Variants in DCAF6 observed in about 807,000 individuals in gnomAD.
The protein encoded by DCAF6 is DDB1- and CUL4-associated factor 6.
Under a neutral mutation model 125.1 loss-of-function variants are expected in DCAF6, and 54 were observed. The observed-to-expected ratio is 0.43, with a 90% confidence interval of 0.35 to 0.54. DCAF6 has a LOEUF of 0.54. Ranked by LOEUF, DCAF6 falls within the 20% of genes least tolerant of loss-of-function variation. The pLI is 0.01. For synonymous variants in DCAF6, 371 were observed against 390.4 expected, an observed-to-expected ratio of 0.95 and a Z score of 0.58; for missense variants, 934 against 1,161.7, an observed-to-expected ratio of 0.80 and a Z score of 2.85.
At chr1:167,883,691 C>A in the DCAF6 span, 1 of 1,502,610 alleles carries the variant, frequency 6.7e-7, no homozygotes, top group Non-Finnish European at 9.3e-7. Context: ...CCCAACACCG[C>A]CCCCACCTCA....
the DCAF6 span, among the ~76,000 whole-genome samples, chr1:167,918,795 G>A: frequency 2.0e-5 from 3 of 152,012 alleles, no homozygotes; most frequent in Admixed American, 6.6e-5. Flanking sequence ...GTGTTTCACC[G>A]TGTTAGCCAG....
In DCAF6 at chr1:168,072,530, T is replaced by G. The variant is rs907274416; in HGVS notation, c.2792-2841T>G. ...GTACCTTGTTTGTTGTCTATCTTCCTCCTTAGAAAGTAAGCTTATAAAGAG... is the reference window on the plus strand; with the variant it reads ...GTACCTTGTTTGTTGTCTATCTTCCGCCTTAGAAAGTAAGCTTATAAAGAG... On this transcript the variant is annotated intron_variant, in intron 21 of 21. Coordinates refer to ENST00000367840, the MANE Select transcript of DCAF6 (RefSeq NM_001198956.2). Among the ~76,000 whole-genome samples, 48 of 152,156 alleles carry G rather than the reference T, an allele frequency of 3.2e-4. 1 individual carries two copies. Among genetic ancestry groups the G allele is most frequent in the Admixed American group, 3.1e-3 (48 of 15,262 alleles).
chr1:167,991,352 T>C lies in DCAF6; in HGVS notation c.688+13T>C, dbSNP rs1353817978. ...ACAAGAGCTACAGGTAAGAAGATAA[T>C]ATTAGAGAAAATATAGGACTGTCAG... is the stretch of plus-strand genomic sequence containing the variant. On this transcript the variant is annotated intron_variant, in intron 6 of 21. Coordinates refer to ENST00000367840, the MANE Select transcript of DCAF6 (RefSeq NM_001198956.2). The C allele has an allele frequency of 6.3e-7, 1 of 1,597,108 alleles. No homozygotes were observed. Among genetic ancestry groups the C allele is most frequent in the African/African-American group, 1.3e-5 (1 of 74,082 alleles).
chr1:167,902,627 A>G, the DCAF6 span, among the ~76,000 whole-genome samples: 1 of 152,246 alleles, frequency 6.6e-6, no homozygotes, highest in Non-Finnish European at 1.5e-5. Flanking sequence ...GCAGAAAGGA[A>G]TCAACCATAG....
At chr1:167,884,161 T>C in the DCAF6 span, among the ~76,000 whole-genome samples, 5 of 152,284 alleles carry the variant, frequency 3.3e-5, no homozygotes, top group East Asian at 7.7e-4. Flanking sequence ...TAGTCCGTTC[T>C]CCCACTGTTA....
the DCAF6 span, among the ~76,000 whole-genome samples, chr1:167,869,518 G>A: frequency 2.0e-5 from 3 of 152,138 alleles, no homozygotes; most frequent in Admixed American, 1.3e-4. Flanking sequence ...GTAGCCCGGC[G>A]CCTAAGAACC....
At chr1:168,043,303 G>C (rs993573752) in intron 14 of DCAF6, among the ~76,000 whole-genome samples, 163 bp downstream of exon 14, 2 of 152,018 alleles carry the variant, frequency 1.3e-5, no homozygotes, top group African/African-American at 4.8e-5. Flanking sequence ...CAAAAGATGG[G>C]GACCTTAAGC....
chr1:167,893,770 G>GTTTT, the DCAF6 span: 3 of 741,702 alleles, frequency 4.0e-6, no homozygotes, highest in Non-Finnish European at 6.6e-6. Context: ...AGTAGCTGCT[G>GTTTT]TTTTTTTTTT....
chr1:167,998,497 G>A (rs1021460460), intron 7 of DCAF6, among the ~76,000 whole-genome samples: 1 of 151,940 alleles, frequency 6.6e-6, no homozygotes, highest in Admixed American at 6.6e-5. Context: ...AGCTTGTAAC[G>A]GTGTTTGATA....
chr1:167,937,657 T>A (rs1671523086), intron 1 of DCAF6, among the ~76,000 whole-genome samples: 2 of 152,226 alleles, frequency 1.3e-5, no homozygotes, highest in South Asian at 4.1e-4. Flanking sequence ...GAAAACACAC[T>A]TGGCATTTAC....
chr1:167,961,457 T>TG (rs1290056504), intron 2 of DCAF6, among the ~76,000 whole-genome samples: 1 of 152,144 alleles, frequency 6.6e-6, no homozygotes, highest in Non-Finnish European at 1.5e-5. Context: ...TTAGCCAGGA[T>TG]GTCTTGATCT....
chr1:168,013,106 A>G (rs534638208), intron 10 of DCAF6, among the ~76,000 whole-genome samples: 2 of 152,302 alleles, frequency 1.3e-5, no homozygotes, highest in African/African-American at 4.8e-5. Flanking sequence ...GCTTTATTTT[A>G]TATTGCTAAA....
At chr1:167,885,978 G>A in the DCAF6 span, among the ~76,000 whole-genome samples, 2 of 151,972 alleles carry the variant, frequency 1.3e-5, no homozygotes, top group Admixed American at 6.6e-5. Flanking sequence ...AGCTGTTACA[G>A]CTTCTTATAT....
the DCAF6 span, chr1:167,883,581 C>T: frequency 1.9e-6 from 3 of 1,614,234 alleles, no homozygotes; most frequent in Non-Finnish European, 2.5e-6. Context: ...ACACAATCGT[C>T]ACTGGGCGAA....
chr1:167,886,740 C>T, the DCAF6 span, among the ~76,000 whole-genome samples: 3 of 152,188 alleles, frequency 2.0e-5, no homozygotes, highest in South Asian at 6.2e-4. Flanking sequence ...CAAAAGAAAT[C>T]ATCAGAGTGA....
At chr1:168,049,253 A>C (rs1221603678) in intron 16 of DCAF6, among the ~76,000 whole-genome samples, 2 of 151,788 alleles carry the variant, frequency 1.3e-5, no homozygotes, top group Admixed American at 6.6e-5. Context: ...ATTTTGTTTT[A>C]TTTTTTTGAG....
the DCAF6 span, among the ~76,000 whole-genome samples, chr1:167,912,298 G>A: frequency 6.6e-6 from 1 of 152,200 alleles, no homozygotes; most frequent in Non-Finnish European, 1.5e-5. Context: ...CTTAGAGCCA[G>A]GCCGGCAACC....
intron 20 of DCAF6, 107 bp downstream of exon 20, chr1:168,066,572 G>T (rs1256954430): frequency 2.8e-6 from 2 of 714,028 alleles, no homozygotes; most frequent in Non-Finnish European, 4.6e-6. Flanking sequence ...ACAAGTTAAT[G>T]CAGTTAAGGA....
chr1:167,970,892 C>CA (rs2102863894), intron 3 of DCAF6, among the ~76,000 whole-genome samples: 1 of 152,168 alleles, frequency 6.6e-6, no homozygotes, highest in Admixed American at 6.5e-5. Context: ...TTATATATAG[C>CA]ATAGAGACTC....
Sources: gnomAD v4.1 joint callset for allele counts (sites outside exome capture counted in the v4.1 genomes callset) on GRCh38, gnomAD v4.1.1 for gene constraint, MANE v1.5 for transcripts, NCBI Gene and HGNC (gene_info 2026-07-23, HGNC 2026-07-21) for gene names.